Variants in CADPS observed in about 807,000 individuals in gnomAD.
CADPS encodes calcium dependent secretion activator.
In CADPS, 57 loss-of-function variants were observed where a neutral mutation model predicts 167.3. The observed-to-expected ratio is 0.34, with a 90% CI of 0.28 to 0.42. CADPS has a LOEUF of 0.42. CADPS is among the 20% of genes least tolerant of loss of function. The probability of loss-of-function intolerance (pLI) is 1.00; values close to 1 mark genes in which losing one functional copy is unlikely to be tolerated. For missense variants in CADPS, 1,414 were observed against 1,738.1 expected (o/e 0.81, Z 3.32); for synonymous variants, 676 against 635.3 (o/e 1.06, Z -0.96).
chr3:62,830,688 C>G (rs905223178), intron 1 of CADPS, among the ~76,000 whole-genome samples: 3 of 152,102 alleles, frequency 2.0e-5, no homozygotes, highest in Non-Finnish European at 4.4e-5. Context: ...TTTCAATACA[C>G]GGCCTTTTCA....
intron 1 of CADPS, among the ~76,000 whole-genome samples, chr3:62,808,138 G>C (rs975163371): frequency 2.0e-5 from 3 of 152,044 alleles, no homozygotes; most frequent in South Asian, 2.1e-4. Context: ...CTCCCAAAGT[G>C]CTGGGATTAC....
Position 62,726,672 on chromosome 3 carries a change from T to C in CADPS, c.888+26769A>G, listed in dbSNP as rs567822280. 1.2e-4 allele frequency among the ~76,000 whole-genome samples: 18 copies of C among 152,046 alleles called. No homozygotes were observed. In the South Asian group the frequency reaches 1.5e-3, roughly 12 times the overall value. On this transcript the variant is annotated intron_variant, in intron 3 of 29. Coordinates refer to ENST00000383710, the MANE Select transcript of CADPS (RefSeq NM_003716.4). ...AGCTTTGAGTGACCCATTAAGTGTA[T>C]TGATCAATTGCTAATAATAATAAAG... is the stretch of plus-strand genomic sequence containing the variant.
intron 28 of CADPS, among the ~76,000 whole-genome samples, chr3:62,437,156 A>C (rs1051868928): frequency 6.6e-6 from 1 of 152,096 alleles, no homozygotes; most frequent in African/African-American, 2.4e-5. Context: ...CTCACGTTTC[A>C]CAAGACAGAA....
In CADPS at chr3:62,621,667, T is replaced by C. The variant is rs112365981; in HGVS notation, c.1325+24055A>G. Among the ~76,000 whole-genome samples, 1,473 of 152,140 alleles carry C rather than the reference T, an allele frequency of 9.7e-3. 28 individuals carry two copies. The highest frequency in any genetic ancestry group is 0.033 in the African/African-American group (1,375 of 41,512). Reference sequence around the variant, plus strand: ...AAACATGCTTCGTGGGGGTTTCTTGTGCAGTTTATTTCATCACCCAGATAT... The same window carrying C: ...AAACATGCTTCGTGGGGGTTTCTTGCGCAGTTTATTTCATCACCCAGATAT... On this transcript the variant is annotated intron_variant, in intron 6 of 29. Coordinates refer to ENST00000383710, the MANE Select transcript of CADPS (RefSeq NM_003716.4).
intron 1 of CADPS, among the ~76,000 whole-genome samples, chr3:62,789,556 C>T (rs1003319722): frequency 7.2e-5 from 11 of 152,142 alleles, no homozygotes; most frequent in African/African-American, 2.7e-4. Flanking sequence ...CAGTAACTAT[C>T]AATTGACAGC....
intron 1 of CADPS, among the ~76,000 whole-genome samples, chr3:62,873,078 AAAC>A (rs1168400781): frequency 6.6e-6 from 1 of 152,232 alleles, no homozygotes; most frequent in Non-Finnish European, 1.5e-5. Context: ...CGAATTGAAA[AAAC>A]AAGGGGCCAC....
At chr3:62,523,152 C>T (rs2071148543) in intron 13 of CADPS, among the ~76,000 whole-genome samples, 1 of 152,130 alleles carries the variant, frequency 6.6e-6, no homozygotes, top group Non-Finnish European at 1.5e-5. Flanking sequence ...CATCTTGAGC[C>T]ATGTCACAAA....
At chr3:62,645,893 G>GCC in intron 5 of CADPS, 50 bp from the exon 6 acceptor site, 2 of 1,604,412 alleles carry the variant, frequency 1.2e-6, no homozygotes, top group Non-Finnish European at 1.7e-6. Flanking sequence ...GCCCCTGGCA[G>GCC]CATCGCCCAG....
At chr3:62,449,602 T>C (rs1242909086) in intron 26 of CADPS, among the ~76,000 whole-genome samples, 1 of 152,170 alleles carries the variant, frequency 6.6e-6, no homozygotes, top group African/African-American at 2.4e-5. Flanking sequence ...TTGGAATTAT[T>C]GCCAGAAAAT....
In CADPS at chr3:62,576,788, TAAAAAAAAAAAA is replaced by T. The variant is rs138055445; in HGVS notation, c.1578-5862_1578-5851del. ...CTGGGTGACAGAGCAAGACTCTGTC[TAAAAAAAAAAAA>T]AAAAAAAAAAAAAAAAAGCAGTCCT... is the stretch of plus-strand genomic sequence containing the variant. On this transcript the variant is annotated intron_variant, in intron 8 of 29. Transcript: ENST00000383710. 8.4e-4 allele frequency among the ~76,000 whole-genome samples: 25 copies of T among 29,872 alleles called. 1 individual carries two copies. Among genetic ancestry groups the T allele is most frequent in the Admixed American group, 3.4e-3 (6 of 1,766 alleles). 19.6% of individuals were successfully genotyped at this position (29,872 alleles called of 152,430 possible).
intron 1 of CADPS, among the ~76,000 whole-genome samples, chr3:62,818,570 C>G (rs1162392319): frequency 8.5e-5 from 13 of 152,190 alleles, no homozygotes. Context: ...AACCGTAACT[C>G]TCATGCATTG....
intron 18 of CADPS, among the ~76,000 whole-genome samples, chr3:62,495,060 T>C (rs1374226724): frequency 2.3e-4 from 35 of 152,198 alleles, no homozygotes; most frequent in Admixed American, 2.3e-3. Flanking sequence ...TGTAATTTAA[T>C]ATATTATTGA....
intron 1 of CADPS, among the ~76,000 whole-genome samples, chr3:62,853,635 A>G (rs531568605): frequency 8.0e-4 from 121 of 150,392 alleles, no homozygotes; most frequent in Non-Finnish European, 1.2e-3. Flanking sequence ...AAAAAAAAAA[A>G]AAAAGAAAAG....
chr3:62,813,192 T>A (rs563342171), intron 1 of CADPS, among the ~76,000 whole-genome samples: 1 of 152,194 alleles, frequency 6.6e-6, no homozygotes, highest in East Asian at 1.9e-4. Context: ...TTTGGATGAA[T>A]CACATTACCT....
In CADPS at chr3:62,596,870, G is replaced by A. The variant is rs997605232; in HGVS notation, c.1326-4122C>T. Among the ~76,000 whole-genome samples the A allele has an allele frequency of 2.0e-5, 3 of 152,266 alleles. No individual in the cohort carries two copies. The South Asian group carries it at 6.2e-4, about 32-fold the overall frequency. On this transcript the variant is annotated intron_variant, in intron 6 of 29. Coordinates refer to ENST00000383710, the MANE Select transcript of CADPS (RefSeq NM_003716.4). ...TTGCCATTTCACAGATGAGAAAACT[G>A]AAGAGACACTCAAAGATCTTGCCTA... is the stretch of plus-strand genomic sequence containing the variant.
rs1204826066 is a variant in CADPS, at chr3:62,446,919, C to T, written c.3637-1122G>A. Among the ~76,000 whole-genome samples, 1 of 152,206 alleles carries T rather than the reference C, an allele frequency of 6.6e-6. No individual in the cohort carries two copies. The highest frequency in any genetic ancestry group is 2.4e-5 in the African/African-American group (1 of 41,444). On this transcript the variant is annotated intron_variant, in intron 26 of 29. Coordinates refer to ENST00000383710, the MANE Select transcript of CADPS (RefSeq NM_003716.4). The surrounding 1 kb of genome is among the most constrained non-coding windows in gnomAD (Gnocchi z 4.9). ...GCAGTTAGGATGTCTTTTCACATCT[C>T]AGCCAGGCTTCCTCCTGCAATTTGG...
intron 25 of CADPS, among the ~76,000 whole-genome samples, chr3:62,466,102 G>A (rs1177210283): frequency 1.3e-5 from 2 of 152,010 alleles, no homozygotes; most frequent in East Asian, 3.9e-4. Context: ...ATAACCTAGC[G>A]CAACGTTTGG....
intron 8 of CADPS, among the ~76,000 whole-genome samples, chr3:62,580,868 T>G (rs1473970884): frequency 6.6e-6 from 1 of 152,212 alleles, no homozygotes; most frequent in Non-Finnish European, 1.5e-5. Context: ...TAAATAGACA[T>G]AAAATTTCCC....
At chr3:62,733,521 T>C (rs145058131) in intron 3 of CADPS, among the ~76,000 whole-genome samples, 209 of 152,356 alleles carry the variant, frequency 1.4e-3, no homozygotes, top group African/African-American at 4.9e-3. Context: ...CCTGAGGTCA[T>C]GAAATATATT....
Sources: gnomAD v4.1 joint callset for allele counts (sites outside exome capture counted in the v4.1 genomes callset) on GRCh38, gnomAD v4.1.1 for gene constraint, Gnocchi (gnomAD v3.1) non-coding constraint, MANE v1.5 for transcripts, NCBI Gene and HGNC (gene_info 2026-07-23, HGNC 2026-07-21) for gene names.